The following RBMS3 variants were observed in gnomAD, a reference collection of about 807,000 sequenced individuals.
RBMS3 encodes the protein RNA binding motif single stranded interacting protein 3.
In RBMS3, 27 loss-of-function variants were observed where a neutral mutation model predicts 66.8. That is an observed-to-expected ratio of 0.40 (90% CI 0.30 to 0.56). RBMS3 has a LOEUF of 0.56. Ranked by LOEUF, RBMS3 falls within the 20% of genes least tolerant of loss-of-function variation. RBMS3 has a pLI of 0.40. For missense variants in RBMS3, 513 were observed against 549.5 expected (o/e 0.93, Z 0.66); for synonymous variants, 188 against 183.0 (o/e 1.03, Z -0.22).
At chr3:29,974,583 A>AT (rs1285504532) in intron 12 of RBMS3, among the ~76,000 whole-genome samples, 1 of 151,732 alleles carries the variant, frequency 6.6e-6, no homozygotes, top group Non-Finnish European at 1.5e-5. Flanking sequence ...AACCTCCCTT[A>AT]TATTCCTGCC....
chr3:29,856,884 C>G (rs557237638), intron 6 of RBMS3, among the ~76,000 whole-genome samples: 2 of 152,276 alleles, frequency 1.3e-5, no homozygotes, highest in East Asian at 1.9e-4. Context: ...CCTTGAAAAA[C>G]TCAGTTTCTA....
At chr3:29,665,822 C>A (rs1163564666) in intron 4 of RBMS3, among the ~76,000 whole-genome samples, 1 of 152,146 alleles carries the variant, frequency 6.6e-6, no homozygotes, top group Non-Finnish European at 1.5e-5. Context: ...ATGAAACTTA[C>A]CAACTGTGTA....
At chr3:29,589,031 T>G (rs2047632937) in intron 4 of RBMS3, among the ~76,000 whole-genome samples, 1 of 152,120 alleles carries the variant, frequency 6.6e-6, no homozygotes. Flanking sequence ...GAAAACAGCA[T>G]GCATAATCTC....
chr3:29,817,899 A>G (rs2057959580), intron 6 of RBMS3, among the ~76,000 whole-genome samples: 1 of 152,116 alleles, frequency 6.6e-6, no homozygotes, highest in Non-Finnish European at 1.5e-5. Flanking sequence ...TGAACCACCA[A>G]ATATAATCAT....
intron 6 of RBMS3, among the ~76,000 whole-genome samples, chr3:29,786,508 T>C (rs1179061318): frequency 6.6e-6 from 1 of 152,032 alleles, no homozygotes. Flanking sequence ...CATAGACCAA[T>C]GGAACAGAAT....
chr3:29,351,646 T>C (rs1156662306), intron 1 of RBMS3, among the ~76,000 whole-genome samples: 3 of 152,152 alleles, frequency 2.0e-5, no homozygotes, highest in East Asian at 3.9e-4. Flanking sequence ...AGGCATTGCA[T>C]AGATTTTCCC....
chr3:29,644,896 C>T (rs971921049), intron 4 of RBMS3, among the ~76,000 whole-genome samples: 1 of 152,136 alleles, frequency 6.6e-6, no homozygotes, highest in African/African-American at 2.4e-5. Context: ...AGTACATCAA[C>T]TTACATAACA....
chr3:29,885,784 G>T (rs2059855543), intron 8 of RBMS3, among the ~76,000 whole-genome samples: 1 of 151,806 alleles, frequency 6.6e-6, no homozygotes, highest in African/African-American at 2.4e-5. Context: ...CCTATCTAGA[G>T]TATGTATTAT....
At chr3:29,701,685 C>T (rs1220356451) in intron 4 of RBMS3, among the ~76,000 whole-genome samples, 1 of 152,268 alleles carries the variant, frequency 6.6e-6, no homozygotes, top group East Asian at 1.9e-4. Flanking sequence ...TGGCCGGCGC[C>T]ACCGGCCTTG....
chr3:29,550,486 G>A (rs1173374027), intron 3 of RBMS3, among the ~76,000 whole-genome samples: 3 of 151,980 alleles, frequency 2.0e-5, no homozygotes, highest in African/African-American at 7.3e-5. Context: ...TGTAATAATA[G>A]TATAAAAAGT....
At chr3:29,326,806 C>T (rs867737741) in intron 1 of RBMS3, among the ~76,000 whole-genome samples, 5 of 151,824 alleles carry the variant, frequency 3.3e-5, no homozygotes, top group Middle Eastern at 3.4e-3. Flanking sequence ...TCTCACCTCA[C>T]TGCAACCTCC....
chr3:29,664,699 A>T (rs1214908112), intron 4 of RBMS3, among the ~76,000 whole-genome samples: 1 of 151,390 alleles, frequency 6.6e-6, no homozygotes, highest in African/African-American at 2.4e-5. Context: ...AAAGTACTTT[A>T]TTTTTTTTAG....
chr3:29,853,425 T>C (rs1390051057), intron 6 of RBMS3, among the ~76,000 whole-genome samples: 2 of 33,738 alleles, frequency 5.9e-5, no homozygotes, highest in South Asian at 1.9e-3. Context: ...TTTACTTTCT[T>C]TTTTTTTTTT....
In RBMS3 at chr3:29,589,357, A is replaced by G. The variant is rs562336429; in HGVS notation, c.399+2152A>G. Among the ~76,000 whole-genome samples, 9 of 152,218 alleles carry G rather than the reference A, an allele frequency of 5.9e-5. 1 individual carries two copies. The highest frequency in any genetic ancestry group is 2.2e-4 in the African/African-American group (9 of 41,570). ...AAAACGATTATTTTTCCTAGCCAGCATTTTGGCCATTGGCTCACGCCCACT... is the reference window on the plus strand; with the variant it reads ...AAAACGATTATTTTTCCTAGCCAGCGTTTTGGCCATTGGCTCACGCCCACT... On this transcript the variant is annotated intron_variant, in intron 4 of 14. Transcript: ENST00000383767.
At chr3:29,427,763 A>G (rs1474403225) in intron 1 of RBMS3, among the ~76,000 whole-genome samples, 2 of 152,118 alleles carry the variant, frequency 1.3e-5, no homozygotes, top group African/African-American at 2.4e-5. Context: ...CATCAGCAGA[A>G]CAGACTGCTG....
intron 3 of RBMS3, among the ~76,000 whole-genome samples, chr3:29,505,238 G>A (rs1288875020): frequency 1.3e-5 from 2 of 151,442 alleles, no homozygotes; most frequent in Non-Finnish European, 3.0e-5. Context: ...TTTGTATGTA[G>A]TATGAAATAA....
At chr3:29,873,882 A>G (rs2059548666) in intron 7 of RBMS3, among the ~76,000 whole-genome samples, 1 of 152,126 alleles carries the variant, frequency 6.6e-6, no homozygotes, top group African/African-American at 2.4e-5. Context: ...TATGTGATTA[A>G]TTGCATTTAT....
intron 2 of RBMS3, among the ~76,000 whole-genome samples, chr3:29,475,251 C>CTTT (rs35099344): frequency 7.1e-6 from 1 of 140,872 alleles, no homozygotes; most frequent in African/African-American, 2.6e-5. Context: ...CTTTTCTTTT[C>CTTT]TTTTTTTTTT....
intron 3 of RBMS3, among the ~76,000 whole-genome samples, chr3:29,494,798 G>GCCTTA (rs1330805416): frequency 6.6e-6 from 1 of 152,136 alleles, no homozygotes; most frequent in Non-Finnish European, 1.5e-5. Flanking sequence ...GCACCCACCA[G>GCCTTA]CCTTACCACC....
Sources: gnomAD v4.1 joint callset for allele counts (sites outside exome capture counted in the v4.1 genomes callset) on GRCh38, gnomAD v4.1.1 for gene constraint, MANE v1.5 for transcripts, NCBI Gene and HGNC (gene_info 2026-07-23, HGNC 2026-07-21) for gene names.